ERICH1: variants seen among roughly 807,000 people sequenced by gnomAD.
ERICH1 encodes the protein glutamate rich 1.
ERICH1 carries 56 observed loss-of-function variants against 39.6 expected under a neutral mutation model. The ratio of observed to expected loss-of-function variants is 1.41; its 90% CI spans 1.14 to 1.77. ERICH1 has a LOEUF of 1.77. ERICH1 is among the 40% of genes most tolerant of loss of function. The pLI is 0.00. For missense variants in ERICH1, 826 were observed against 575.4 expected (o/e 1.44, Z -4.45); for synonymous variants, 313 against 223.6 (o/e 1.40, Z -3.57).
chr8:660,728 G>C (rs1336455011), downstream of ERICH1, among the ~76,000 whole-genome samples: 1 of 152,256 alleles, frequency 6.6e-6, no homozygotes, highest in Non-Finnish European at 1.5e-5. Context: ...CTGGGAGGGA[G>C]CAAGAGATGA....
chr8:693,518 A>G (rs1197217631), intron 2 of ERICH1, among the ~76,000 whole-genome samples: 2 of 151,840 alleles, frequency 1.3e-5, no homozygotes, highest in African/African-American at 4.8e-5. Context: ...GGCTGCTGGA[A>G]CCTCCCCGCT....
chr8:675,993 GCGGCGCCCCCCCGGCGAGGACAGAGA>G (rs1585208950), intron 3 of ERICH1, among the ~76,000 whole-genome samples: 2 of 584 alleles, frequency 3.4e-3, no homozygotes, highest in African/African-American at 0.01. Context: ...GGACAGAGAC[GCGGCGCCCCCCCGGCGAGGACAGAGA>G]CGCGGCGGCC....
downstream of ERICH1, among the ~76,000 whole-genome samples, chr8:663,762 T>G (rs1180060405): frequency 6.6e-6 from 1 of 152,152 alleles, no homozygotes; most frequent in Non-Finnish European, 1.5e-5. Context: ...CTGATGGTTT[T>G]TTTTTTTTTT....
At chr8:653,592 G>A (rs1192998561) in intron 3 of ERICH1, among the ~76,000 whole-genome samples, 2 of 152,288 alleles carry the variant, frequency 1.3e-5, no homozygotes, top group East Asian at 1.9e-4. Context: ...TGATTCTGGC[G>A]CTGCCCGATT....
intron 3 of ERICH1, among the ~76,000 whole-genome samples, chr8:620,129 T>C (rs922744696): frequency 7.9e-5 from 12 of 151,500 alleles, no homozygotes; most frequent in African/African-American, 2.9e-4. Context: ...CTGATCAACA[T>C]GGTGAAACCT....
intron 3 of ERICH1, among the ~76,000 whole-genome samples, chr8:639,321 G>A (rs866016991): frequency 6.6e-6 from 1 of 152,142 alleles, no homozygotes; most frequent in Non-Finnish European, 1.5e-5. Context: ...AGGTCATGCT[G>A]CTTATTCTTC....
chr8:628,427 G>A (rs548561394), intron 3 of ERICH1, among the ~76,000 whole-genome samples: 1 of 152,206 alleles, frequency 6.6e-6, no homozygotes, highest in Non-Finnish European at 1.5e-5. Flanking sequence ...TGGAGAGCAG[G>A]GCCTCCGCCT....
chr8:716,446 G>C (rs1816019663), intron 1 of ERICH1, among the ~76,000 whole-genome samples: 2 of 152,260 alleles, frequency 1.3e-5, no homozygotes, highest in Admixed American at 1.3e-4. Flanking sequence ...AGCAGGTCTG[G>C]CGGGCCCTGA....
chr8:680,582 C>T (rs575116832), intron 3 of ERICH1, among the ~76,000 whole-genome samples: 8 of 150,916 alleles, frequency 5.3e-5, no homozygotes, highest in Admixed American at 1.3e-4. Context: ...CCCGAAAACA[C>T]GGAAAGTCCA....
intron 3 of ERICH1, among the ~76,000 whole-genome samples, chr8:686,258 T>A (rs973410165): frequency 1.6e-4 from 25 of 152,230 alleles, no homozygotes; most frequent in Non-Finnish European, 3.7e-4. Context: ...TAAATCACTC[T>A]ATTTTTGTAA....
At chr8:616,727 G>A in intron 3 of ERICH1, 1 of 387,954 alleles carries the variant, frequency 2.6e-6, no homozygotes, top group Non-Finnish European at 5.2e-6. Flanking sequence ...CACTCAGAGA[G>A]ATAGGGAAGC....
At chr8:664,729 T>C (rs1801930295) in intron 5 of ERICH1, 53 bp from the exon 6 acceptor site, 7 of 1,462,666 alleles carry the variant, frequency 4.8e-6, no homozygotes, top group Middle Eastern at 2.1e-4. Context: ...AAAAGAAAAA[T>C]CATAAGTTAT....
chr8:677,747 T>C (rs773700792), intron 3 of ERICH1, among the ~76,000 whole-genome samples: 4 of 152,214 alleles, frequency 2.6e-5, no homozygotes, highest in African/African-American at 4.8e-5. Context: ...ACTGCCTTCA[T>C]GAATTTGGAG....
chr8:700,134 G>C (rs576313358), intron 2 of ERICH1, among the ~76,000 whole-genome samples: 2 of 121,854 alleles, frequency 1.6e-5, no homozygotes, highest in African/African-American at 6.6e-5. Flanking sequence ...CAGGCGCACA[G>C]ACCCGCACAG....
rs143658327 is a variant in ERICH1, at chr8:687,923, C to T, written c.304+4555G>A. Among the ~76,000 whole-genome samples, 1,507 of 152,224 alleles carry T rather than the reference C, an allele frequency of 9.9e-3. 11 individuals carry two copies. Among genetic ancestry groups the T allele is most frequent in the Non-Finnish European group, 0.016 (1,107 of 67,962 alleles). The stretch of plus-strand genomic sequence containing the variant: ...TCCAGCCGAGACGGCACCCAGGTTT[C>T]CCGAGCAGGGTCTGAGGCTCCAAGG... On this transcript the variant is annotated intron_variant, in intron 3 of 5. Transcript: ENST00000262109.
chr8:656,821 T>C lies in ERICH1; in HGVS notation c.976+11777A>G, dbSNP rs1253467960. ...TCCCAGCCTCAGGACTCCCTCACTC[T>C]GAAGAGCCCCCGGGGAGCCCCCCAG... On this transcript the variant is annotated intron_variant, in intron 3 of 3. Coordinates refer to the ERICH1 transcript ENST00000522706. 1.6e-5 allele frequency: 16 copies of C among 985,342 alleles called. No individual in the cohort carries two copies. In the Admixed American group the frequency reaches 9.8e-4, roughly 61 times the overall value. 61.0% of individuals were successfully genotyped at this position (985,342 alleles called of 1,614,324 possible). A position where few individuals can be genotyped will look rare whatever the true frequency, so the allele number is the denominator to read the frequency against.
At chr8:636,331 G>A (rs537228593) in intron 3 of ERICH1, among the ~76,000 whole-genome samples, 10 of 152,350 alleles carry the variant, frequency 6.6e-5, no homozygotes, top group African/African-American at 2.4e-4. Flanking sequence ...AGGGAGCCAA[G>A]GCCTCGGATG....
intron 3 of ERICH1, among the ~76,000 whole-genome samples, chr8:652,511 C>T (rs1301689947): frequency 2.0e-5 from 3 of 152,230 alleles, no homozygotes; most frequent in East Asian, 1.9e-4. Flanking sequence ...TTCTGGCTCA[C>T]ACCTGCTGTT....
chr8:697,630 C>T (rs927765191), intron 2 of ERICH1, among the ~76,000 whole-genome samples: 14 of 152,138 alleles, frequency 9.2e-5, no homozygotes, highest in African/African-American at 2.9e-4. Flanking sequence ...ACCAGCTCTT[C>T]GCCATTTTGG....
Sources: allele counts gnomAD v4.1 joint callset (sites outside exome capture counted in the v4.1 genomes callset), GRCh38; gene constraint gnomAD v4.1.1; transcripts MANE v1.5; gene names NCBI Gene and HGNC (gene_info 2026-07-23, HGNC 2026-07-21).